Variants in MEP1A observed in about 807,000 individuals in gnomAD.
The protein encoded by MEP1A is meprin A subunit alpha.
Under a neutral mutation model 84.5 loss-of-function variants are expected in MEP1A, and 68 were observed. That is an observed-to-expected ratio of 0.80 (90% CI 0.66 to 0.98). MEP1A has a LOEUF of 0.98. Ranked by LOEUF, MEP1A falls within the 50% of genes least tolerant of loss-of-function variation. MEP1A has a pLI of 0.00. For synonymous variants in MEP1A, 337 were observed against 336.8 expected (o/e 1.00, Z -0.01); for missense variants, 887 against 919.9 (o/e 0.96, Z 0.46).
At position 46,819,554 on chromosome 6, in the gene MEP1A, CATGTGGGACAG is replaced by C; in HGVS notation, c.408_418del (p.His136GlnfsTer11). On this transcript the variant is annotated frameshift_variant, in exon 7 of 14. Transcript: ENST00000230588. LOFTEE classifies it high-confidence loss of function. ...GTGCTGGTCTGAGGTTGGTGACCAA[CATGTGGGACAG>C]AACATTTCCATTGGCCAAGGATGTG... 1 of 1,612,826 alleles carries C rather than the reference CATGTGGGACAG, an allele frequency of 6.2e-7. No individual in the cohort carries two copies. The highest frequency in any genetic ancestry group is 8.5e-7 in the Non-Finnish European group (1 of 1,179,330).
Position 46,799,171 on chromosome 6 carries a change from T to G in MEP1A, c.252T>G (p.Ala84=). 6.2e-7 allele frequency: 1 copy of G among 1,606,088 alleles called. No individual in the cohort carries two copies. The highest frequency in any genetic ancestry group is 8.5e-7 in the Non-Finnish European group (1 of 1,172,694). ...RWTFPIPYIL[A]DNLGLNAKGA... ...CGTTCCCCATTCCTTACATCTTGGC[T>G]GATAATTTGGGTAATATTAATTGTT... The change falls in exon 5 of 14, where the codon GCT becomes GCG. Residue 84 remains alanine, a synonymous_variant. Transcript: ENST00000230588.
At position 46,793,717 on chromosome 6, in the gene MEP1A, G is replaced by C; in HGVS notation, c.145+1G>C. ...AAGGATATTTCAGAAATCAATTTAG[G>C]TGAGTTCAATTTTTGTGTTATTAAA... On this transcript the variant is annotated splice_donor_variant, in intron 3 of 13. Coordinates refer to ENST00000230588, the MANE Select transcript of MEP1A (RefSeq NM_005588.3). LOFTEE classifies it high-confidence loss of function. 6.2e-7 allele frequency: 1 copy of C among 1,604,408 alleles called. No homozygotes were observed. Among genetic ancestry groups the C allele is most frequent in the Non-Finnish European group, 8.5e-7 (1 of 1,172,264 alleles).
intron 11 of MEP1A, among the ~76,000 whole-genome samples, chr6:46,833,778 G>A (rs1768134565): frequency 1.3e-5 from 2 of 152,058 alleles, no homozygotes; most frequent in African/African-American, 4.8e-5. Flanking sequence ...TCGGTGCTAG[G>A]TACTTAGAAT....
chr6:46,834,521 A>C (rs1037957821), intron 11 of MEP1A, 57 bp from the exon 12 acceptor site: 2 of 1,052,202 alleles, frequency 1.9e-6, no homozygotes, highest in African/African-American at 3.2e-5. Context: ...TTAAAGACAA[A>C]CTGGAAAGTG....
At chr6:46,815,091 C>T (rs1241547987) in intron 6 of MEP1A, among the ~76,000 whole-genome samples, 1 of 152,106 alleles carries the variant, frequency 6.6e-6, no homozygotes, top group African/African-American at 2.4e-5. Context: ...GCAAACCTGC[C>T]CTAGGGACAC....
chr6:46,841,810 C>T (rs1282979591), downstream of MEP1A, among the ~76,000 whole-genome samples: 5 of 152,208 alleles, frequency 3.3e-5, no homozygotes, highest in East Asian at 3.8e-4. Flanking sequence ...GGAACTCTAA[C>T]CCCCTCTCTG....
At chr6:46,797,772 T>C (rs201170280) in intron 3 of MEP1A, among the ~76,000 whole-genome samples, 2 of 149,900 alleles carry the variant, frequency 1.3e-5, no homozygotes, top group Non-Finnish European at 3.0e-5. Context: ...CTTTCTTTCT[T>C]TTTCTTTCTT....
chr6:46,806,002 A>C (rs989965433), intron 5 of MEP1A, among the ~76,000 whole-genome samples: 9 of 152,022 alleles, frequency 5.9e-5, no homozygotes, highest in Non-Finnish European at 1.3e-4. Flanking sequence ...AGCTTTTAAA[A>C]TTATCCAGTG....
At chr6:46,828,476 G>A (rs924265343) in intron 9 of MEP1A, among the ~76,000 whole-genome samples, 3 of 152,110 alleles carry the variant, frequency 2.0e-5, no homozygotes, top group Non-Finnish European at 4.4e-5. Flanking sequence ...ACGGAGCAAC[G>A]CTGGAGTATC....
At chr6:46,820,916 C>T (rs147342658) in intron 7 of MEP1A, among the ~76,000 whole-genome samples, 5 of 152,206 alleles carry the variant, frequency 3.3e-5, no homozygotes, top group South Asian at 2.1e-4. Context: ...TAACTGTTTC[C>T]GGCATGGCTT....
At chr6:46,836,142 A>T (rs763344796) in intron 13 of MEP1A, among the ~76,000 whole-genome samples, 39 of 152,284 alleles carry the variant, frequency 2.6e-4, no homozygotes, top group Non-Finnish European at 4.9e-4. Flanking sequence ...GTGTGTCAAG[A>T]AGTTGAAGCT....
At chr6:46,795,205 A>G (rs1235681434) in intron 3 of MEP1A, among the ~76,000 whole-genome samples, 17 of 152,178 alleles carry the variant, frequency 1.1e-4, no homozygotes, top group Admixed American at 1.1e-3. Context: ...TCAGAATGTT[A>G]GAGTTGCCCC....
At chr6:46,843,213 C>T (rs371618601), downstream of MEP1A, among the ~76,000 whole-genome samples, 2 of 152,210 alleles carry the variant, frequency 1.3e-5, no homozygotes, top group Admixed American at 6.5e-5. Context: ...ACTGGATGCT[C>T]ATAGCACACT....
downstream of MEP1A, among the ~76,000 whole-genome samples, chr6:46,843,261 A>G (rs539628514): frequency 1.4e-3 from 215 of 152,302 alleles, 1 homozygote; most frequent in African/African-American, 5.1e-3. Context: ...TAGGACATTG[A>G]CAAATGTCCC....
At chr6:46,804,144 T>C (rs1767259231) in intron 5 of MEP1A, among the ~76,000 whole-genome samples, 2 of 151,680 alleles carry the variant, frequency 1.3e-5, no homozygotes, top group Admixed American at 1.3e-4. Context: ...AGTTCTTCTC[T>C]AGTATCATTT....
chr6:46,824,974 T>G (rs1485548284), intron 7 of MEP1A, among the ~76,000 whole-genome samples: 1 of 132,894 alleles, frequency 7.5e-6, no homozygotes, highest in Non-Finnish European at 1.6e-5. Flanking sequence ...TTTAAATATA[T>G]ATAAATTATA....
At chr6:46,803,583 G>T (rs761638046) in intron 5 of MEP1A, among the ~76,000 whole-genome samples, 1 of 151,228 alleles carries the variant, frequency 6.6e-6, no homozygotes, top group Non-Finnish European at 1.5e-5. Context: ...ATATTTAGTT[G>T]CTTTCTGTTA....
At chr6:46,838,840 A>C in intron 13 of MEP1A, 140 bp from the exon 14 acceptor site, 1 of 674,660 alleles carries the variant, frequency 1.5e-6, no homozygotes, top group Non-Finnish European at 2.6e-6. Flanking sequence ...GTCCATATAC[A>C]GCTCTTGAAA....
At chr6:46,817,909 CCCCTAAGCCCTTCAGGG>C (rs1767678973) in intron 6 of MEP1A, among the ~76,000 whole-genome samples, 1 of 152,206 alleles carries the variant, frequency 6.6e-6, no homozygotes, top group Non-Finnish European at 1.5e-5. Context: ...GCCCAAAGTG[CCCCTAAGCCCTTCAGGG>C]CACTGGTCTC....
Sources: allele counts gnomAD v4.1 joint callset (sites outside exome capture counted in the v4.1 genomes callset), GRCh38; gene constraint gnomAD v4.1.1; transcripts MANE v1.5; gene names NCBI Gene and HGNC (gene_info 2026-07-23, HGNC 2026-07-21).